DMD: variants seen among roughly 807,000 people sequenced by gnomAD.
DMD encodes the protein dystrophin.
Under a neutral mutation model 330.1 loss-of-function variants are expected in DMD, and 63 were observed. The observed-to-expected ratio is 0.19, with a 90% CI of 0.16 to 0.24. The LOEUF is 0.24. Among genes scored for constraint, DMD ranks in the 10% least tolerant of loss-of-function variants. The pLI is 1.00. For synonymous variants in DMD, 1,223 were observed against 959.8 expected (o/e 1.27, Z -5.07); for missense variants, 3,344 against 2,684.1 (o/e 1.25, Z -5.43).
chrX:32,641,564 G>A, intron 11 of DMD: 1 of 164,172 alleles, frequency 6.1e-6, no homozygotes, highest in Middle Eastern at 7.0e-4. Context: ...CTAATAGTAA[G>A]TATGTTGGTA....
chrX:32,804,238 C>T (rs147440825), intron 7 of DMD, among the ~76,000 whole-genome samples: 1,881 of 112,098 alleles, frequency 0.017, 31 homozygotes, highest in African/African-American at 0.051. Context: ...TTGTAATTCT[C>T]GCTGCCAGCA....
chrX:31,891,528 T>C, intron 47 of DMD, among the ~76,000 whole-genome samples: 1 of 111,767 alleles, frequency 8.9e-6, no homozygotes. Flanking sequence ...AACAATTGTT[T>C]TAACATTTGA....
chrX:31,654,165 C>A (rs566194237), intron 54 of DMD, among the ~76,000 whole-genome samples: 1 of 112,019 alleles, frequency 8.9e-6, no homozygotes, highest in Admixed American at 9.5e-5. Flanking sequence ...AAGCAAATTT[C>A]TTTCAAGTAC....
intron 45 of DMD, among the ~76,000 whole-genome samples, chrX:31,941,520 C>A (rs1480882172): frequency 9.0e-6 from 1 of 111,587 alleles, no homozygotes; most frequent in Non-Finnish European, 1.9e-5. Flanking sequence ...ATCCTCCTGT[C>A]GCTGTCTCCT....
chrX:31,777,584 C>A (rs1037458539), intron 50 of DMD, among the ~76,000 whole-genome samples: 2 of 110,679 alleles, frequency 1.8e-5, no homozygotes, highest in African/African-American at 6.6e-5. Flanking sequence ...TCATAGACAA[C>A]TGGCCTTACT....
At chrX:31,438,710 T>C (rs760235321) in intron 60 of DMD, among the ~76,000 whole-genome samples, 1 of 111,249 alleles carries the variant, frequency 9.0e-6, no homozygotes, top group Non-Finnish European at 1.9e-5. Context: ...TAAGAGCAGA[T>C]GGCTAGGCTC....
intron 67 of DMD, among the ~76,000 whole-genome samples, chrX:31,193,907 G>A (rs993552699): frequency 1.8e-5 from 2 of 111,634 alleles, no homozygotes; most frequent in African/African-American, 6.5e-5. Context: ...TCAGCCCGGC[G>A]TGGTGGCTGA....
chrX:33,088,042 T>G (rs1161666717), intron 1 of DMD, among the ~76,000 whole-genome samples: 2 of 111,179 alleles, frequency 1.8e-5, no homozygotes, highest in Non-Finnish European at 3.8e-5. Flanking sequence ...AGTATTCAAC[T>G]CAATATATTT....
At chrX:31,422,734 G>A (rs1337608466) in intron 60 of DMD, among the ~76,000 whole-genome samples, 1 of 111,713 alleles carries the variant, frequency 9.0e-6, no homozygotes, top group Non-Finnish European at 1.9e-5. Flanking sequence ...CCTTTCACCA[G>A]TTACTTTGGA....
intron 1 of DMD, among the ~76,000 whole-genome samples, chrX:33,298,145 C>T (rs2053609980): frequency 9.0e-6 from 1 of 111,100 alleles, no homozygotes; most frequent in Non-Finnish European, 1.9e-5. Flanking sequence ...AAAGGACAAA[C>T]TGATATTTAG....
chrX:32,960,232 GTCT>G (rs772786573), intron 2 of DMD: 6 of 111,211 alleles, frequency 5.4e-5, no homozygotes, highest in African/African-American at 2.0e-4. Context: ...TGAATAATGT[GTCT>G]TCTTTACTTG....
chrX:32,592,046 G>A (rs973436103), intron 13 of DMD, among the ~76,000 whole-genome samples: 3 of 112,080 alleles, frequency 2.7e-5, no homozygotes, highest in Admixed American at 9.4e-5. Flanking sequence ...AGGCTGAGTG[G>A]GGACTGAGGA....
Position 31,918,731 on chromosome X carries a change from G to A in DMD, c.6912+10865C>T, listed in dbSNP as rs752655049. Among the ~76,000 whole-genome samples the A allele has an allele frequency of 3.6e-5, 4 of 109,751 alleles. No individual in the cohort carries two copies. In the Admixed American group the frequency reaches 3.9e-4, roughly 11 times the overall value. On this transcript the variant is annotated intron_variant, in intron 47 of 78. Transcript: ENST00000357033. ...CCTTTCACTGCAACCTCCGCCTCCT[G>A]GGTTCAAATGATTCTCCTGCCTCAG...
intron 67 of DMD, among the ~76,000 whole-genome samples, chrX:31,185,943 C>T (rs1774594626): frequency 8.9e-6 from 1 of 111,821 alleles, no homozygotes; most frequent in Admixed American, 9.5e-5. Flanking sequence ...GAATATATGA[C>T]ATGGGAATAC....
rs1479194484 is a variant in DMD, at chrX:31,190,290, C to T, written c.9808-7386G>A. Among the ~76,000 whole-genome samples, 5 of 111,096 alleles carry T rather than the reference C, an allele frequency of 4.5e-5. No homozygotes were observed. The Admixed American group carries it at 4.8e-4, about 11-fold the overall frequency. ...TAAAAACAGAAGTTTACATAAGCTG[C>T]TTGGAAACATAGTTCGTTTCAGATG... On this transcript the variant is annotated intron_variant, in intron 67 of 78. Transcript: ENST00000357033.
chrX:32,456,324 AAT>A (rs1176583870), intron 25 of DMD, among the ~76,000 whole-genome samples: 2 of 111,323 alleles, frequency 1.8e-5, no homozygotes, highest in Non-Finnish European at 3.8e-5. Flanking sequence ...CATCTAGAAC[AAT>A]ATGTCTTGCA....
chrX:31,476,409 A>G (rs1217503114), intron 59 of DMD, among the ~76,000 whole-genome samples: 2 of 99,799 alleles, frequency 2.0e-5, no homozygotes, highest in Non-Finnish European at 4.0e-5. Flanking sequence ...ATATATATAT[A>G]TATATATATA....
chrX:31,429,827 A>T (rs1380371300), intron 60 of DMD, among the ~76,000 whole-genome samples: 1 of 109,921 alleles, frequency 9.1e-6, no homozygotes, highest in African/African-American at 3.3e-5. Context: ...GGGAAGAGGG[A>T]GATGGGGCAG....
At chrX:32,734,753 C>T (rs150238712) in intron 7 of DMD, among the ~76,000 whole-genome samples, 6,492 of 108,319 alleles carry the variant, frequency 0.06, 678 homozygotes, top group African/African-American at 0.22. Flanking sequence ...TAGGTATTGA[C>T]GGGACATATT....
Sources: gnomAD v4.1 joint callset for allele counts (sites outside exome capture counted in the v4.1 genomes callset) on GRCh38, gnomAD v4.1.1 for gene constraint, MANE v1.5 for transcripts, NCBI Gene and HGNC (gene_info 2026-07-23, HGNC 2026-07-21) for gene names.